RORA: variants seen among roughly 807,000 people sequenced by gnomAD.
The protein encoded by RORA is nuclear receptor ROR-alpha.
A neutral mutation model predicts 69.5 loss-of-function variants in RORA; 7 were observed. The observed-to-expected ratio is 0.10, with a 90% CI of 0.06 to 0.19. The LOEUF (loss-of-function observed/expected upper bound fraction) is 0.19, where lower values mean the gene tolerates loss of function less well. Ranked by LOEUF, RORA falls within the 10% of genes least tolerant of loss-of-function variation. RORA has a pLI of 1.00. For synonymous variants in RORA, 261 were observed against 240.8 expected (o/e 1.08, Z -0.78); for missense variants, 457 against 663.0 (o/e 0.69, Z 3.41).
chr15:61,188,781 G>T (rs1187201038), intron 1 of RORA, among the ~76,000 whole-genome samples: 1 of 152,110 alleles, frequency 6.6e-6, no homozygotes, highest in Non-Finnish European at 1.5e-5. Flanking sequence ...AGCAAAGAGG[G>T]GTCTCAAAAA....
At chr15:60,539,437 C>T (rs2066787772) in intron 2 of RORA, among the ~76,000 whole-genome samples, 1 of 152,178 alleles carries the variant, frequency 6.6e-6, no homozygotes, top group African/African-American at 2.4e-5. Flanking sequence ...TCTGTCAAAT[C>T]AGAGAGGAAA....
intron 1 of RORA, among the ~76,000 whole-genome samples, chr15:60,994,358 T>C (rs1001929819): frequency 1.3e-5 from 2 of 152,242 alleles, no homozygotes; most frequent in African/African-American, 4.8e-5. Flanking sequence ...ACTGTAAATA[T>C]TCTGCTACCG....
chr15:60,960,127 C>T (rs896511613), intron 1 of RORA, among the ~76,000 whole-genome samples: 1 of 152,202 alleles, frequency 6.6e-6, no homozygotes, highest in Non-Finnish European at 1.5e-5. Flanking sequence ...CTGGTTTACA[C>T]AGCCACCTGG....
At chr15:60,976,617 G>A (rs1254075584) in intron 1 of RORA, among the ~76,000 whole-genome samples, 1 of 152,148 alleles carries the variant, frequency 6.6e-6, no homozygotes, top group Non-Finnish European at 1.5e-5. Flanking sequence ...TGTTAGCTAA[G>A]GCAGCCCTGG....
chr15:60,567,237 G>A (rs1449682326), intron 2 of RORA, among the ~76,000 whole-genome samples: 2 of 150,450 alleles, frequency 1.3e-5, no homozygotes, highest in East Asian at 1.9e-4. Context: ...TATTCCAAAC[G>A]GCGACAGAGC....
rs1311910205 is a variant in RORA at position 60,503,587 on chromosome 15, A to G, written c.1023T>C (p.Ile341=). 6.2e-7 allele frequency: 1 copy of G among 1,614,172 alleles called. No homozygotes were observed. Residue 341 remains isoleucine, a synonymous_variant, in exon 7 of 11, where the codon ATT becomes ATC. Coordinates refer to ENST00000335670, the MANE Select transcript of RORA (RefSeq NM_134261.3). The stretch of plus-strand genomic sequence containing the variant: ...TTTGACACAGTTCCATAAATCCATC[A>G]ATGCGTTTGGCAAACTCCACCACAT... The part of the protein sequence containing the change: ...IQYVVEFAKR[I]DGFMELCQND...
chr15:61,007,570 A>G (rs1255461366), intron 1 of RORA, among the ~76,000 whole-genome samples: 1 of 151,964 alleles, frequency 6.6e-6, no homozygotes, highest in African/African-American at 2.4e-5. Flanking sequence ...TCAATCTAGA[A>G]GATTTAAAAA....
intron 2 of RORA, among the ~76,000 whole-genome samples, chr15:60,532,740 G>T (rs60547393): frequency 0.054 from 8,206 of 152,238 alleles, 293 homozygotes; most frequent in East Asian, 0.14. Flanking sequence ...ATTTATATGT[G>T]AAATAAAGAC....
intron 2 of RORA, among the ~76,000 whole-genome samples, chr15:60,638,814 A>G (rs1323641910): frequency 6.6e-6 from 1 of 152,008 alleles, no homozygotes; most frequent in African/African-American, 2.4e-5. Context: ...AGTGGAAATA[A>G]TTTTTTTTCC....
At chr15:60,761,128 A>G (rs560391858) in intron 1 of RORA, among the ~76,000 whole-genome samples, 11 of 152,254 alleles carry the variant, frequency 7.2e-5, no homozygotes, top group South Asian at 2.1e-4. Context: ...AAACCTTCAC[A>G]GAGACCAACT....
chr15:61,020,064 T>G (rs10851689), intron 1 of RORA, among the ~76,000 whole-genome samples: 2 of 152,348 alleles, frequency 1.3e-5, no homozygotes, highest in South Asian at 4.1e-4. Flanking sequence ...CTGGACATCA[T>G]CACAGAACGT....
intron 1 of RORA, among the ~76,000 whole-genome samples, chr15:61,049,250 C>A (rs982066687): frequency 1.3e-5 from 2 of 152,194 alleles, no homozygotes; most frequent in Non-Finnish European, 1.5e-5. Context: ...TTAAACCACA[C>A]GGCTTCTCAG....
At chr15:61,019,299 T>C (rs1359268178) in intron 1 of RORA, among the ~76,000 whole-genome samples, 4 of 152,372 alleles carry the variant, frequency 2.6e-5, no homozygotes, top group Admixed American at 2.6e-4. Context: ...TCCCACATTT[T>C]AAAGGAACAG....
intron 2 of RORA, among the ~76,000 whole-genome samples, chr15:60,578,510 T>G (rs1047924630): frequency 4.6e-5 from 7 of 152,194 alleles, no homozygotes; most frequent in African/African-American, 1.7e-4. Flanking sequence ...CATATCCACA[T>G]CTGAATAATT....
intron 1 of RORA, among the ~76,000 whole-genome samples, chr15:60,815,599 CA>C (rs1219308801): frequency 6.6e-6 from 1 of 151,938 alleles, no homozygotes; most frequent in East Asian, 1.9e-4. Context: ...CAGCTTCCCC[CA>C]CTGCAGCCAG....
chr15:60,926,184 G>A (rs1892213166), intron 1 of RORA, among the ~76,000 whole-genome samples: 1 of 152,196 alleles, frequency 6.6e-6, no homozygotes, highest in East Asian at 1.9e-4. Flanking sequence ...TTTCTTATAA[G>A]CTTGTGCATA....
intron 8 of RORA, among the ~76,000 whole-genome samples, chr15:60,501,651 A>G (rs925424867): frequency 9.2e-5 from 14 of 152,176 alleles, no homozygotes; most frequent in South Asian, 2.1e-4. Context: ...TTTCAACTCT[A>G]TTTCATCTGA....
intron 1 of RORA, among the ~76,000 whole-genome samples, chr15:61,096,991 A>C (rs147550925): frequency 6.6e-6 from 1 of 152,360 alleles, no homozygotes; most frequent in African/African-American, 2.4e-5. Context: ...ACAAAAAATA[A>C]AAAATAGTGA....
intron 2 of RORA, among the ~76,000 whole-genome samples, chr15:60,660,076 T>G (rs1324880656): frequency 6.6e-6 from 1 of 152,236 alleles, no homozygotes; most frequent in Admixed American, 6.5e-5. Flanking sequence ...TAAAAATTTT[T>G]TTTTCTTTCA....
Sources: allele counts gnomAD v4.1 joint callset (sites outside exome capture counted in the v4.1 genomes callset), GRCh38; gene constraint gnomAD v4.1.1; transcripts MANE v1.5; gene names NCBI Gene and HGNC (gene_info 2026-07-23, HGNC 2026-07-21).